The following TAMALIN variants were observed in gnomAD, a reference collection of about 807,000 sequenced individuals.
TAMALIN encodes the protein protein TAMALIN.
TAMALIN carries 9 observed loss-of-function variants against 38.5 expected under a neutral mutation model. The observed-to-expected ratio is 0.23, with a 90% confidence interval of 0.14 to 0.41. The LOEUF (loss-of-function observed/expected upper bound fraction) is 0.41, where lower values mean the gene tolerates loss of function less well. TAMALIN is among the 10% of genes least tolerant of loss of function. The probability of loss-of-function intolerance (pLI) is 1.00; values close to 1 mark genes in which losing one functional copy is unlikely to be tolerated. For missense variants in TAMALIN, 548 were observed against 554.1 expected (o/e 0.99, Z 0.11); for synonymous variants, 306 against 256.5 (o/e 1.19, Z -1.85).
In TAMALIN at chr12:52,007,313, C is replaced by T. The variant is rs1389272156; in HGVS notation, c.246+48C>T. The T allele has an allele frequency of 5.1e-6, 7 of 1,367,170 alleles. No individual in the cohort carries two copies. The highest frequency in any genetic ancestry group is 3.8e-5 in the South Asian group (2 of 52,480). The allele number at this position is 1,367,170 out of a possible 1,614,324, so 84.7% of individuals were successfully genotyped here. On this transcript the variant is annotated intron_variant, in intron 1 of 7. Coordinates refer to ENST00000293662, the MANE Select transcript of TAMALIN (RefSeq NM_181711.4). The surrounding 1 kb of genome is among the most constrained non-coding windows in gnomAD (Gnocchi z 6.7). ...GGATCTGCTCAGCCCCTCTCCGACT[C>T]CCTACAGGGCCTGCTGACTCCGCAG... is the stretch of plus-strand genomic sequence containing the variant.
chr12:52,010,793 G>C (rs1942488961), intron 2 of TAMALIN, 88 bp from the exon 3 acceptor site: 1 of 1,364,818 alleles, frequency 7.3e-7, no homozygotes, highest in African/African-American at 1.4e-5. Flanking sequence ...GAATGTTCTA[G>C]ACCAGTTGCC....
rs1420446461 is a variant in TAMALIN at position 52,015,380 on chromosome 12, C to T, written c.*181C>T. ...GCTGAGGGAGTGGGGGGCCCAGCCC[C>T]TTCTCTTCTCCCCCGCCAAACCACA... On this transcript the variant is annotated 3_prime_UTR_variant, in exon 8 of 8. Coordinates refer to ENST00000293662, the MANE Select transcript of TAMALIN (RefSeq NM_181711.4). 6 of 712,194 alleles carry T rather than the reference C, an allele frequency of 8.4e-6. No individual in the cohort carries two copies. The highest frequency in any genetic ancestry group is 6.0e-5 in the South Asian group (3 of 49,604). 44.1% of individuals were successfully genotyped at this position (712,194 alleles called of 1,614,324 possible).
At chr12:52,009,321 C>A in intron 2 of TAMALIN, 82 bp downstream of exon 2, 2 of 1,353,308 alleles carry the variant, frequency 1.5e-6, no homozygotes, top group Non-Finnish European at 2.1e-6. Flanking sequence ...GCATCTCAGC[C>A]TAGCGAGGGT....
intron 2 of TAMALIN, chr12:52,010,580 G>A (rs1942485979): frequency 8.2e-7 from 1 of 1,216,802 alleles, no homozygotes; most frequent in South Asian, 1.6e-5. Flanking sequence ...GTACTGTAGG[G>A]CTCACTGGAA....
At chr12:52,009,288 C>T (rs775453510) in intron 2 of TAMALIN, 49 bp downstream of exon 2, 1 of 1,581,294 alleles carries the variant, frequency 6.3e-7, no homozygotes, top group Non-Finnish European at 8.7e-7. Context: ...GGGTGAGGTG[C>T]TGGGTTGGGG....
rs1351892490 is a variant in TAMALIN, at chr12:52,007,729, C to T, written c.246+464C>T. The T allele has an allele frequency of 1.2e-5, 12 of 985,332 alleles. No homozygotes were observed. Among genetic ancestry groups the T allele is most frequent in the Non-Finnish European group, 1.3e-5 (11 of 829,936 alleles). The allele number at this position is 985,332 out of a possible 1,614,324, so 61.0% of individuals were successfully genotyped here. A position where few individuals can be genotyped will look rare whatever the true frequency, so the allele number is the denominator to read the frequency against. On this transcript the variant is annotated intron_variant, in intron 1 of 7. Transcript: ENST00000293662. This position sits in a 1 kb window ranked among gnomAD's most constrained non-coding sequence, Gnocchi z 6.7. ...TCACTCTGAGGAAGTGCGTGGGGAG[C>T]CGCTGACTCCGGATAGCACACCCTT...
chr12:52,010,505 A>G (rs1942484856), intron 2 of TAMALIN: 3 of 1,094,240 alleles, frequency 2.7e-6, no homozygotes, highest in Non-Finnish European at 3.4e-6. Context: ...CCTCTCTCCA[A>G]AGCTGTGGAA....
At position 52,015,205 on chromosome 12, in the gene TAMALIN, G is replaced by T; in HGVS notation, c.*6G>T. The T allele has an allele frequency of 4.4e-6, 7 of 1,582,080 alleles. No individual in the cohort carries two copies. Among genetic ancestry groups the T allele is most frequent in the Non-Finnish European group, 6.0e-6 (7 of 1,173,536 alleles). ...AGGAGGAGAGCCAGCTGTAGGGGCG[G>T]GGGCGGGCAGGGAGGTATTTATTTA... is the stretch of plus-strand genomic sequence containing the variant. On this transcript the variant is annotated 3_prime_UTR_variant, in exon 8 of 8. Coordinates refer to ENST00000293662, the MANE Select transcript of TAMALIN (RefSeq NM_181711.4).
At chr12:52,014,552 G>C in intron 7 of TAMALIN, 142 bp from the exon 8 acceptor site, 3 of 650,080 alleles carry the variant, frequency 4.6e-6, no homozygotes, top group Non-Finnish European at 7.8e-6. Flanking sequence ...GGGAAGTAGG[G>C]TCTCAGGTTT....
chr12:52,014,064 C>T, intron 6 of TAMALIN, 71 bp from the exon 7 acceptor site: 1 of 1,559,318 alleles, frequency 6.4e-7, no homozygotes, highest in Non-Finnish European at 8.8e-7. Context: ...CTCCCTGATC[C>T]CTCGTCTGTA....
intron 1 of TAMALIN, chr12:52,008,049 C>G (rs1380735810): frequency 2.0e-6 from 2 of 985,362 alleles, no homozygotes; most frequent in African/African-American, 1.7e-5. Context: ...GCCCCGGCCC[C>G]CAGCTAGCCC....
rs75740545 is a variant in TAMALIN, at chr12:52,008,385, C to G, written c.247-805C>G. Reference sequence around the variant, plus strand: ...ATCAAGGACCCTGAAGAGACAGGAACCTTCATCTCTCATCCTTCCTCCACA... The same window carrying G: ...ATCAAGGACCCTGAAGAGACAGGAAGCTTCATCTCTCATCCTTCCTCCACA... On this transcript the variant is annotated intron_variant, in intron 1 of 7. Transcript: ENST00000293662. 1,653 of 985,334 alleles carry G rather than the reference C, an allele frequency of 1.7e-3. 39 individuals are homozygous for G. The East Asian group carries it at 0.088, about 52-fold the overall frequency. 61.0% of individuals were successfully genotyped at this position (985,334 alleles called of 1,614,324 possible). A position where few individuals can be genotyped will look rare whatever the true frequency, so the allele number is the denominator to read the frequency against.
chr12:52,007,415 C>T lies in TAMALIN; in HGVS notation c.246+150C>T. ...GGGTGCCTCGACTCCCCGCGTTCCC[C>T]GCTGCTGCGAAGGCCGTGGCCCTCG... On this transcript the variant is annotated intron_variant, in intron 1 of 7. Transcript: ENST00000293662. The surrounding 1 kb of genome is among the most constrained non-coding windows in gnomAD (Gnocchi z 6.7). 7.9e-7 allele frequency: 1 copy of T among 1,269,926 alleles called. No homozygotes were observed. Among genetic ancestry groups the T allele is most frequent in the Middle Eastern group, 2.8e-4 (1 of 3,544 alleles). 78.7% of individuals were successfully genotyped at this position (1,269,926 alleles called of 1,614,324 possible).
intron 2 of TAMALIN, among the ~76,000 whole-genome samples, chr12:52,010,176 A>C (rs1592271840): frequency 6.6e-6 from 1 of 152,190 alleles, no homozygotes; most frequent in African/African-American, 2.4e-5. Flanking sequence ...CTGGAAGCGG[A>C]GAAGCCTGGT....
chr12:52,015,096 GCC>G lies in TAMALIN; in HGVS notation c.1088_1089del (p.Pro363ArgfsTer128). 6.4e-7 allele frequency: 1 copy of G among 1,559,680 alleles called. No homozygotes were observed. The highest frequency in any genetic ancestry group is 8.6e-7 in the Non-Finnish European group (1 of 1,160,662). On this transcript the variant is annotated frameshift_variant, in exon 8 of 8. Coordinates refer to ENST00000293662, the MANE Select transcript of TAMALIN (RefSeq NM_181711.4). LOFTEE classifies it high-confidence loss of function. ...GAGGCTCGCGAGCAGGCCCTATGCG[GCC>G]CCGGCCTGCGCAAAACCAAGTACCG...
intron 2 of TAMALIN, 107 bp downstream of exon 2, chr12:52,009,346 C>T (rs2120828485): frequency 9.2e-7 from 1 of 1,090,586 alleles, no homozygotes; most frequent in East Asian, 2.4e-5. Context: ...ATTCTCCTAG[C>T]CTTTAAACAT....
Position 52,007,699 on chromosome 12 carries a change from C to G in TAMALIN, c.246+434C>G, listed in dbSNP as rs1040637182. The G allele has an allele frequency of 2.0e-6, 2 of 985,274 alleles. No homozygotes were observed. Among genetic ancestry groups the G allele is most frequent in the Non-Finnish European group, 2.4e-6 (2 of 829,906 alleles). 61.0% of individuals were successfully genotyped at this position (985,274 alleles called of 1,614,324 possible). ...AGCGGGCCGGTGGCTGCGCCGCGTG[C>G]GTTCTCACTCTGAGGAAGTGCGTGG... On this transcript the variant is annotated intron_variant, in intron 1 of 7. Coordinates refer to ENST00000293662, the MANE Select transcript of TAMALIN (RefSeq NM_181711.4). This position sits in a 1 kb window ranked among gnomAD's most constrained non-coding sequence, Gnocchi z 6.7.
At chr12:52,008,910 G>A (rs544066332) in intron 1 of TAMALIN, 1 of 318,460 alleles carries the variant, frequency 3.1e-6, no homozygotes, top group South Asian at 1.2e-4. Flanking sequence ...TGCTGCCAGT[G>A]TGGAAACCAG....
Position 52,011,299 on chromosome 12 carries a change from A to G in TAMALIN, c.454+158A>G. 7.4e-7 allele frequency: 1 copy of G among 1,358,676 alleles called. No individual in the cohort carries two copies. Among genetic ancestry groups the G allele is most frequent in the East Asian group, 2.5e-5 (1 of 39,894 alleles). 84.2% of individuals were successfully genotyped at this position (1,358,676 alleles called of 1,614,324 possible). A position where few individuals can be genotyped will look rare whatever the true frequency, so the allele number is the denominator to read the frequency against. On this transcript the variant is annotated intron_variant, in intron 4 of 7. Transcript: ENST00000293662. The surrounding 1 kb of genome is among the most constrained non-coding windows in gnomAD (Gnocchi z 5.3). The stretch of plus-strand genomic sequence containing the variant: ...TGGATAGAATCTGGGCTTTGGATCT[A>G]GGCAAATTTGCCATGTACTGTGTGA...
Sources: allele counts gnomAD v4.1 joint callset (sites outside exome capture counted in the v4.1 genomes callset), GRCh38; gene constraint gnomAD v4.1.1; non-coding constraint Gnocchi (gnomAD v3.1); transcripts MANE v1.5; gene names NCBI Gene and HGNC (gene_info 2026-07-23, HGNC 2026-07-21).